The following TDP1 variants were observed in gnomAD, a reference collection of about 807,000 sequenced individuals.
TDP1 encodes tyr-DNA phosphodiesterase 1.
A neutral mutation model predicts 81.5 loss-of-function variants in TDP1; 64 were observed. The ratio of observed to expected loss-of-function variants is 0.79; its 90% CI spans 0.64 to 0.97. The LOEUF is 0.97. Among genes scored for constraint, TDP1 ranks in the 50% least tolerant of loss-of-function variants. TDP1 has a pLI of 0.00. For synonymous variants in TDP1, 256 were observed against 264.3 expected, an observed-to-expected ratio of 0.97 and a Z score of 0.30; for missense variants, 723 against 743.8, an observed-to-expected ratio of 0.97 and a Z score of 0.33.
chr14:90,032,259 T>A (rs79914923), intron 15 of TDP1, among the ~76,000 whole-genome samples: 3,340 of 152,212 alleles, frequency 0.022, 108 homozygotes, highest in African/African-American at 0.073. Context: ...GCTTGCTAAG[T>A]TGCACCTCAG....
chr14:89,986,133 A>G (rs906315363), intron 10 of TDP1, among the ~76,000 whole-genome samples: 10 of 152,234 alleles, frequency 6.6e-5, no homozygotes, highest in Admixed American at 2.0e-4. Context: ...GAAACTTTTT[A>G]TTTTAATTTC....
intron 10 of TDP1, chr14:89,988,509 G>C (rs1488364285): frequency 1.3e-6 from 1 of 789,860 alleles, no homozygotes; most frequent in East Asian, 1.3e-4. Context: ...AGGAAACAGG[G>C]ATGAAGACCA....
At chr14:90,017,955 A>G (rs1566912412) in intron 14 of TDP1, among the ~76,000 whole-genome samples, 1 of 152,236 alleles carries the variant, frequency 6.6e-6, no homozygotes. Flanking sequence ...TTAGGAAGCC[A>G]GGAAAGCTTG....
At chr14:89,975,096 G>A (rs1241489691) in intron 6 of TDP1, among the ~76,000 whole-genome samples, 2 of 152,062 alleles carry the variant, frequency 1.3e-5, no homozygotes, top group Non-Finnish European at 2.9e-5. Flanking sequence ...TGTTTTTGGA[G>A]ACGGAGTCTC....
chr14:89,957,823 C>T (rs924696710), intron 2 of TDP1, among the ~76,000 whole-genome samples: 1 of 152,222 alleles, frequency 6.6e-6, no homozygotes. Flanking sequence ...GCTTTATTCT[C>T]TTAACACATG....
intron 15 of TDP1, among the ~76,000 whole-genome samples, chr14:90,024,687 T>G (rs1294758140): frequency 6.6e-6 from 1 of 152,182 alleles, no homozygotes; most frequent in Non-Finnish European, 1.5e-5. Context: ...ACACATACGC[T>G]TAGGAGTCCA....
intron 10 of TDP1, among the ~76,000 whole-genome samples, chr14:89,985,846 G>A (rs1471705791): frequency 6.6e-6 from 1 of 152,120 alleles, no homozygotes; most frequent in Non-Finnish European, 1.5e-5. Flanking sequence ...GGCCAACGTG[G>A]TGAAACCCTG....
chr14:90,033,329 C>T (rs1032964084), intron 16 of TDP1, 115 bp downstream of exon 16: 2 of 737,946 alleles, frequency 2.7e-6, no homozygotes, highest in African/African-American at 3.5e-5. Flanking sequence ...TCTGGAAGCT[C>T]AAGTTTGCAG....
chr14:90,006,316 A>G (rs1314378089), intron 14 of TDP1, among the ~76,000 whole-genome samples: 1 of 152,142 alleles, frequency 6.6e-6, no homozygotes, highest in Non-Finnish European at 1.5e-5. Flanking sequence ...AAGACCTGAT[A>G]GCCACCCTGG....
At chr14:89,998,674 G>T (rs1410904631) in intron 14 of TDP1, among the ~76,000 whole-genome samples, 4 of 151,664 alleles carry the variant, frequency 2.6e-5, no homozygotes, top group Non-Finnish European at 5.9e-5. Flanking sequence ...TTCTGACGTG[G>T]TGACATTCAT....
chr14:90,022,218 G>A (rs1886171192), intron 15 of TDP1, among the ~76,000 whole-genome samples: 1 of 152,236 alleles, frequency 6.6e-6, no homozygotes, highest in Admixed American at 6.5e-5. Context: ...GTGCCTACCT[G>A]AGTGAGCAGA....
At position 90,012,713 on chromosome 14, in the gene TDP1, G is replaced by T. The variant is rs568646431; in HGVS notation, c.1542-6603G>T. 2.0e-5 allele frequency among the ~76,000 whole-genome samples: 3 copies of T among 152,170 alleles called. No homozygotes were observed. The East Asian group carries it at 5.9e-4, about 30-fold the overall frequency. On this transcript the variant is annotated intron_variant, in intron 14 of 16. Coordinates refer to ENST00000335725, the MANE Select transcript of TDP1 (RefSeq NM_018319.4). Reference sequence around the variant, plus strand: ...AGAGTCCCTACTGGGGCACTGCCTAGTGGAGCTGTGAGAAGAGGGCCACCA... The same window carrying T: ...AGAGTCCCTACTGGGGCACTGCCTATTGGAGCTGTGAGAAGAGGGCCACCA...
chr14:89,980,694 CATTCACTTT>C, intron 8 of TDP1, 62 bp downstream of exon 8: 3 of 1,302,054 alleles, frequency 2.3e-6, no homozygotes, highest in Non-Finnish European at 3.3e-6. Flanking sequence ...AAAGCCAGAA[CATTCACTTT>C]ATTCTTTTTT....
chr14:89,963,209 C>T lies in TDP1; in HGVS notation c.95C>T (p.Ser32Phe), dbSNP rs1892539765. Residue 32 changes from serine to phenylalanine, a missense_variant, in exon 3 of 17, where the codon TCT (serine) becomes TTT (phenylalanine). Ser to Phe is a radical substitution (Grantham distance 155, BLOSUM62 -2). Coordinates refer to ENST00000335725, the MANE Select transcript of TDP1 (RefSeq NM_018319.4). The stretch of plus-strand genomic sequence containing the variant: ...AAACCAGACAAGCCATCTACCTCTT[C>T]TCTTCTCTGTGCCAGGCAAGGAGCA... ...KPKPDKPSTS[S>F]LLCARQGAAN... 6.2e-7 allele frequency: 1 copy of T among 1,614,200 alleles called. No homozygotes were observed. The highest frequency in any genetic ancestry group is 1.1e-5 in the South Asian group (1 of 91,086).
chr14:90,033,151 C>A lies in TDP1; in HGVS notation c.1690C>A (p.Gln564Lys). 1 of 1,613,668 alleles carries A rather than the reference C, an allele frequency of 6.2e-7. No homozygotes were observed. The highest frequency in any genetic ancestry group is 8.5e-7 in the Non-Finnish European group (1 of 1,179,674). ...KVKQKFFAGS[Q>K]EPMATFPVPY... is the part of the protein sequence containing the mutation. ...GAAACAGAAGTTCTTCGCTGGCAGCCAGGAGCCAATGGCCACCTTTCCTGT... is the reference window on the plus strand; with the variant it reads ...GAAACAGAAGTTCTTCGCTGGCAGCAAGGAGCCAATGGCCACCTTTCCTGT... Residue 564 changes from glutamine (Q) to lysine (K), a missense_variant, in exon 16 of 17, where the codon CAG (glutamine) becomes AAG (lysine). Gln to Lys is a moderately conservative substitution (Grantham distance 53, BLOSUM62 1). Coordinates refer to ENST00000335725, the MANE Select transcript of TDP1 (RefSeq NM_018319.4).
intron 15 of TDP1, among the ~76,000 whole-genome samples, chr14:90,027,523 A>G (rs1181775854): frequency 6.6e-6 from 1 of 152,174 alleles, no homozygotes; most frequent in African/African-American, 2.4e-5. Flanking sequence ...TGTAGCAGCA[A>G]TGGCCCCTTT....
intron 16 of TDP1, among the ~76,000 whole-genome samples, chr14:90,035,781 G>C (rs1162462790): frequency 1.4e-5 from 2 of 146,792 alleles, no homozygotes; most frequent in African/African-American, 2.7e-5. Flanking sequence ...GTTGGAAGTG[G>C]GGACTGACTG....
intron 16 of TDP1, among the ~76,000 whole-genome samples, chr14:90,041,504 C>A (rs1471585418): frequency 6.6e-6 from 1 of 152,194 alleles, no homozygotes; most frequent in African/African-American, 2.4e-5. Context: ...TCTGAACAAA[C>A]CGTGAGGCTG....
intron 14 of TDP1, among the ~76,000 whole-genome samples, chr14:90,007,593 C>T (rs930924421): frequency 2.6e-5 from 4 of 151,748 alleles, no homozygotes; most frequent in African/African-American, 4.8e-5. Flanking sequence ...TGTCTCGGGG[C>T]GGGAAACTGG....
Sources: allele counts gnomAD v4.1 joint callset (sites outside exome capture counted in the v4.1 genomes callset), GRCh38; gene constraint gnomAD v4.1.1; transcripts MANE v1.5; gene names NCBI Gene and HGNC (gene_info 2026-07-23, HGNC 2026-07-21).